Variants in CNTN5 observed in about 807,000 individuals in gnomAD.
CNTN5 encodes the protein contactin 5, also known as contactin-5.
Under a neutral mutation model 129.1 loss-of-function variants are expected in CNTN5, and 77 were observed. The observed-to-expected ratio is 0.60, with a 90% CI of 0.50 to 0.72. The LOEUF (loss-of-function observed/expected upper bound fraction) is 0.72. Ranked by LOEUF, CNTN5 falls within the 30% of genes least tolerant of loss-of-function variation. CNTN5 has a pLI of 0.00. For synonymous variants in CNTN5, 509 were observed against 465.6 expected, an observed-to-expected ratio of 1.09 and a Z score of -1.20; for missense variants, 1,478 against 1,328.8, an observed-to-expected ratio of 1.11 and a Z score of -1.75.
chr11:99,086,049 C>A (rs1865993170), intron 1 of CNTN5, among the ~76,000 whole-genome samples: 1 of 152,200 alleles, frequency 6.6e-6, no homozygotes, highest in African/African-American at 2.4e-5. Context: ...GTATGTTGAG[C>A]CCATTGAGCA....
chr11:99,301,640 C>A (rs1432932190), intron 1 of CNTN5, among the ~76,000 whole-genome samples: 1 of 151,708 alleles, frequency 6.6e-6, no homozygotes, highest in Admixed American at 6.6e-5. Context: ...GAAAAAATAG[C>A]TGGAGAACAT....
chr11:99,311,430 A>T (rs916866722), intron 1 of CNTN5, among the ~76,000 whole-genome samples: 2 of 152,198 alleles, frequency 1.3e-5, no homozygotes, highest in African/African-American at 4.8e-5. Context: ...TGACCTTATC[A>T]AATGAGTTGA....
intron 3 of CNTN5, among the ~76,000 whole-genome samples, chr11:99,776,207 A>G (rs910187259): frequency 6.6e-6 from 1 of 151,928 alleles, no homozygotes; most frequent in Admixed American, 6.6e-5. Flanking sequence ...GCCCTAGAGC[A>G]TGTGACTAAC....
intron 3 of CNTN5, among the ~76,000 whole-genome samples, chr11:99,776,821 A>G (rs1945141257): frequency 6.6e-6 from 1 of 151,906 alleles, no homozygotes; most frequent in South Asian, 2.1e-4. Flanking sequence ...GCGACTGCAA[A>G]GAATAATACC....
At chr11:99,059,122 T>C (rs564727202) in intron 1 of CNTN5, among the ~76,000 whole-genome samples, 63 of 151,038 alleles carry the variant, frequency 4.2e-4, no homozygotes, top group African/African-American at 1.5e-3. Context: ...TTTTCTTTTT[T>C]TCAGAGACAT....
chr11:100,326,638 G>A (rs1349981114), intron 21 of CNTN5, among the ~76,000 whole-genome samples: 1 of 152,096 alleles, frequency 6.6e-6, no homozygotes, highest in Non-Finnish European at 1.5e-5. Context: ...TGTTTATTCA[G>A]TAAGACAAAT....
chr11:99,572,760 GTT>G (rs200944884), intron 3 of CNTN5, among the ~76,000 whole-genome samples: 1 of 30,144 alleles, frequency 3.3e-5, no homozygotes, highest in Admixed American at 3.6e-4. Context: ...ATAATTGAGG[GTT>G]TTTTTTAAAA....
At chr11:100,302,340 C>A (rs904702632) in intron 20 of CNTN5, among the ~76,000 whole-genome samples, 1 of 151,566 alleles carries the variant, frequency 6.6e-6, no homozygotes, top group Non-Finnish European at 1.5e-5. Flanking sequence ...CACAGTGTGT[C>A]TTTTATCATT....
chr11:99,193,420 G>A (rs1198896804), intron 1 of CNTN5, among the ~76,000 whole-genome samples: 1 of 152,156 alleles, frequency 6.6e-6, no homozygotes, highest in Non-Finnish European at 1.5e-5. Context: ...TGTGGGGATA[G>A]TAATCAAGGA....
At chr11:99,961,828 C>A (rs1217109002) in intron 8 of CNTN5, among the ~76,000 whole-genome samples, 1 of 152,128 alleles carries the variant, frequency 6.6e-6, no homozygotes, top group Admixed American at 6.6e-5. Flanking sequence ...TCCCTGTCCT[C>A]ACACCAAAGC....
At position 100,127,241 on chromosome 11, in the gene CNTN5, G is replaced by T. The variant is rs547644523; in HGVS notation, c.1580+52947G>T. Among the ~76,000 whole-genome samples, 12 of 151,232 alleles carry T rather than the reference G, an allele frequency of 7.9e-5. No homozygotes were observed. The South Asian group carries it at 2.5e-3, about 32-fold the overall frequency. On this transcript the variant is annotated intron_variant, in intron 13 of 24. Transcript: ENST00000524871. ...AGGCATGAGCCACAGCACCCAGCTG[G>T]TATTGCTTTTTCCTTTCTGTGTTTA...
chr11:99,312,968 T>G (rs1865176993), intron 1 of CNTN5, among the ~76,000 whole-genome samples: 1 of 152,054 alleles, frequency 6.6e-6, no homozygotes, highest in Admixed American at 6.6e-5. Flanking sequence ...ATAGTGGTTT[T>G]AATAGAACGA....
At chr11:99,645,485 A>C (rs111718195) in intron 3 of CNTN5, among the ~76,000 whole-genome samples, 2,850 of 151,902 alleles carry the variant, frequency 0.019, 97 homozygotes, top group African/African-American at 0.065. Context: ...TTCTACTATA[A>C]AGACATATGT....
chr11:99,694,643 A>G (rs1954186877), intron 3 of CNTN5, among the ~76,000 whole-genome samples: 1 of 151,938 alleles, frequency 6.6e-6, no homozygotes, highest in South Asian at 2.1e-4. Context: ...TACATTAGGT[A>G]TTTCTCCTAA....
chr11:99,596,806 C>T (rs996732483), intron 3 of CNTN5, among the ~76,000 whole-genome samples: 1 of 152,118 alleles, frequency 6.6e-6, no homozygotes, highest in Non-Finnish European at 1.5e-5. Flanking sequence ...AGATGTCCAT[C>T]AGGCCAAAGG....
intron 2 of CNTN5, among the ~76,000 whole-genome samples, chr11:99,538,032 TA>T (rs1318959933): frequency 6.6e-6 from 1 of 152,148 alleles, no homozygotes; most frequent in Admixed American, 6.5e-5. Context: ...TAGTACTGAG[TA>T]GAAATAGTTA....
At chr11:100,025,959 G>A (rs1329734789) in intron 9 of CNTN5, among the ~76,000 whole-genome samples, 1 of 152,108 alleles carries the variant, frequency 6.6e-6, no homozygotes, top group East Asian at 1.9e-4. Flanking sequence ...TAAGAATTTG[G>A]GGGACTGTTG....
At chr11:99,909,874 C>A (rs1006255544) in intron 6 of CNTN5, among the ~76,000 whole-genome samples, 2 of 151,926 alleles carry the variant, frequency 1.3e-5, no homozygotes, top group Non-Finnish European at 2.9e-5. Context: ...TGACGAGTTA[C>A]TGGGTGCAGC....
intron 13 of CNTN5, among the ~76,000 whole-genome samples, chr11:100,160,662 G>A (rs1591335482): frequency 6.6e-6 from 1 of 151,872 alleles, no homozygotes. Flanking sequence ...GCACACTCAA[G>A]TTACTTCTAC....
Sources: allele counts gnomAD v4.1 joint callset (sites outside exome capture counted in the v4.1 genomes callset), GRCh38; gene constraint gnomAD v4.1.1; transcripts MANE v1.5; gene names NCBI Gene and HGNC (gene_info 2026-07-23, HGNC 2026-07-21).